Variants in PRKD1 observed in about 807,000 individuals in gnomAD.
PRKD1 encodes serine/threonine-protein kinase D1.
PRKD1 carries 63 observed loss-of-function variants against 95.9 expected under a neutral mutation model. That is an observed-to-expected ratio of 0.66 (90% confidence interval 0.54 to 0.81). The LOEUF is 0.81. Among genes scored for constraint, PRKD1 ranks in the 30% least tolerant of loss-of-function variants. The pLI is 0.00. For synonymous variants in PRKD1, 425 were observed against 423.1 expected (o/e 1.00, Z -0.05); for missense variants, 1,048 against 1,165.3 (o/e 0.90, Z 1.47).
At chr14:29,905,160 G>A (rs1894452589) in intron 1 of PRKD1, among the ~76,000 whole-genome samples, 1 of 152,172 alleles carries the variant, frequency 6.6e-6, no homozygotes, top group Non-Finnish European at 1.5e-5. Context: ...GAAGGGTTTG[G>A]CGCTCAACCG....
chr14:29,815,731 T>A (rs1384161228), intron 1 of PRKD1, among the ~76,000 whole-genome samples: 1 of 152,154 alleles, frequency 6.6e-6, no homozygotes, highest in Non-Finnish European at 1.5e-5. Flanking sequence ...TCCAACTGTG[T>A]TTCTCAAATA....
chr14:29,780,800 A>G (rs1166529201), intron 1 of PRKD1, among the ~76,000 whole-genome samples: 2 of 152,192 alleles, frequency 1.3e-5, no homozygotes, highest in Admixed American at 1.3e-4. Flanking sequence ...TATATACCCA[A>G]AGGATTATAA....
chr14:29,791,913 CG>C (rs1407008296), intron 1 of PRKD1, among the ~76,000 whole-genome samples: 1 of 152,024 alleles, frequency 6.6e-6, no homozygotes, highest in Non-Finnish European at 1.5e-5. Flanking sequence ...TAAAAGTTGC[CG>C]AACTGTTTTC....
In PRKD1 at chr14:29,624,253, G is replaced by A; in HGVS notation, c.1804C>T (p.His602Tyr). Residue 602 changes from histidine (H) to tyrosine (Y), a missense_variant, in exon 13 of 18, where the codon CAT (histidine) becomes TAT (tyrosine). By Grantham distance (83) the His-to-Tyr change is moderately conservative (BLOSUM62 2). Transcript: ENST00000331968. ...GQFGIVYGGK[H>Y]RKTGRDVAIK... is the part of the protein sequence containing the mutation. ...GCTACATCTCTTCCTGTTTTACGATGTTTTCCTTTAAAATGAAAAAGGGAA... is the reference window on the plus strand; with the variant it reads ...GCTACATCTCTTCCTGTTTTACGATATTTTCCTTTAAAATGAAAAAGGGAA... The A allele has an allele frequency of 1.9e-6, 3 of 1,593,272 alleles. No homozygotes were observed. The highest frequency in any genetic ancestry group is 1.7e-4 in the Middle Eastern group (1 of 5,990).
intron 1 of PRKD1, among the ~76,000 whole-genome samples, chr14:29,909,347 C>T (rs998655569): frequency 6.6e-6 from 1 of 151,296 alleles, no homozygotes. Context: ...GTGCCATCCC[C>T]GCTCCATGGC....
At chr14:29,917,497 G>A (rs57978358) in intron 1 of PRKD1, among the ~76,000 whole-genome samples, 5,081 of 152,116 alleles carry the variant, frequency 0.033, 288 homozygotes, top group African/African-American at 0.11. Flanking sequence ...AAAAAAAACA[G>A]CAGGCTCATG....
chr14:29,579,106 G>T (rs1892670475), intron 16 of PRKD1, among the ~76,000 whole-genome samples: 1 of 151,760 alleles, frequency 6.6e-6, no homozygotes, highest in African/African-American at 2.4e-5. Flanking sequence ...GTCTGTGAGT[G>T]TAATTTATGA....
chr14:29,780,730 G>A (rs1287866062), intron 1 of PRKD1, among the ~76,000 whole-genome samples: 1 of 152,168 alleles, frequency 6.6e-6, no homozygotes, highest in Non-Finnish European at 1.5e-5. Context: ...AGACAGTGTG[G>A]TGATTTCTCA....
chr14:29,780,884 CA>C (rs1388951100), intron 1 of PRKD1, among the ~76,000 whole-genome samples: 1 of 152,086 alleles, frequency 6.6e-6, no homozygotes, highest in Non-Finnish European at 1.5e-5. Flanking sequence ...GACTTGGAAC[CA>C]ACCCAAATGC....
At chr14:29,814,804 C>G (rs919687248) in intron 1 of PRKD1, among the ~76,000 whole-genome samples, 5 of 152,146 alleles carry the variant, frequency 3.3e-5, no homozygotes, top group Admixed American at 1.3e-4. Context: ...GCACTCGAAA[C>G]TAAGCTAATT....
chr14:29,821,330 T>C (rs1456412919), intron 1 of PRKD1, among the ~76,000 whole-genome samples: 1 of 152,156 alleles, frequency 6.6e-6, no homozygotes, highest in Non-Finnish European at 1.5e-5. Flanking sequence ...CAGAATTCCG[T>C]GGTAACTCAG....
chr14:29,843,493 T>A (rs546097273), intron 1 of PRKD1, among the ~76,000 whole-genome samples: 29 of 152,312 alleles, frequency 1.9e-4, no homozygotes, highest in African/African-American at 7.0e-4. Context: ...CTGAAAAATG[T>A]CTTCTACAGC....
intron 1 of PRKD1, among the ~76,000 whole-genome samples, chr14:29,814,548 C>G (rs1052961143): frequency 9.9e-5 from 15 of 152,192 alleles, no homozygotes; most frequent in Admixed American, 9.8e-4. Flanking sequence ...CCTGAAAGTT[C>G]TGAATAGCTA....
chr14:29,594,454 C>G (rs1893232217), intron 16 of PRKD1, among the ~76,000 whole-genome samples: 1 of 152,054 alleles, frequency 6.6e-6, no homozygotes, highest in Non-Finnish European at 1.5e-5. Context: ...TTTATAGATG[C>G]CTTTCATAAC....
chr14:29,756,689 A>G (rs1327465595), intron 1 of PRKD1, among the ~76,000 whole-genome samples: 1 of 152,194 alleles, frequency 6.6e-6, no homozygotes, highest in East Asian at 1.9e-4. Context: ...GCTCCACAGC[A>G]GACTAGGGGC....
intron 1 of PRKD1, among the ~76,000 whole-genome samples, chr14:29,891,167 G>A (rs1215513069): frequency 1.3e-5 from 2 of 152,146 alleles, no homozygotes; most frequent in East Asian, 3.9e-4. Context: ...GGTGACAAAT[G>A]TAAAACAAGT....
At chr14:29,696,970 C>T (rs887985701) in intron 2 of PRKD1, among the ~76,000 whole-genome samples, 10 of 151,970 alleles carry the variant, frequency 6.6e-5, no homozygotes, top group Non-Finnish European at 1.3e-4. Context: ...CATGGGATGC[C>T]GTGCTTGAGC....
At chr14:29,681,528 T>C (rs1001849193) in intron 2 of PRKD1, among the ~76,000 whole-genome samples, 1 of 152,212 alleles carries the variant, frequency 6.6e-6, no homozygotes, top group Non-Finnish European at 1.5e-5. Flanking sequence ...AAGCTGTCTG[T>C]GTCACTGTTA....
Position 29,630,919 on chromosome 14 carries a change from C to A in PRKD1, c.1495G>T (p.Val499Leu). Residue 499 changes from valine (V) to leucine (L), a missense_variant, in exon 10 of 18, where the codon GTA becomes TTA. This residue lies in a region of PRKD1 where 739 missense variants were observed against 861.9 expected (regional missense o/e 0.86). Coordinates refer to ENST00000331968, the MANE Select transcript of PRKD1 (RefSeq NM_002742.3). ...PHCFEITTAN[V>L]VYYVGENVVN... Reference sequence around the variant, plus strand: ...ACATTTTCTCCCACATAATACACTACATTTGCCGTAGTGATTTCGAAACAA... The same window carrying A: ...ACATTTTCTCCCACATAATACACTAAATTTGCCGTAGTGATTTCGAAACAA... 6.2e-7 allele frequency: 1 copy of A among 1,614,104 alleles called. No homozygotes were observed. Among genetic ancestry groups the A allele is most frequent in the Non-Finnish European group, 8.5e-7 (1 of 1,179,990 alleles).
Sources: gnomAD v4.1 joint callset for allele counts (sites outside exome capture counted in the v4.1 genomes callset) on GRCh38, gnomAD v4.1.1 for gene constraint, gnomAD v4.1.1 regional missense constraint, MANE v1.5 for transcripts, NCBI Gene and HGNC (gene_info 2026-07-23, HGNC 2026-07-21) for gene names.